MYO1D: variants seen among roughly 807,000 people sequenced by gnomAD.
MYO1D encodes the protein unconventional myosin-Id.
A neutral mutation model predicts 122.0 loss-of-function variants in MYO1D; 83 were observed. The observed-to-expected ratio is 0.68, with a 90% CI of 0.57 to 0.82. MYO1D has a LOEUF of 0.82. Ranked by LOEUF, MYO1D falls within the 40% of genes least tolerant of loss-of-function variation. The probability of loss-of-function intolerance (pLI) is 0.00; values close to 1 mark genes in which losing one functional copy is unlikely to be tolerated. For missense variants in MYO1D, 1,157 were observed against 1,269.5 expected, an observed-to-expected ratio of 0.91 and a Z score of 1.35; for synonymous variants, 464 against 446.9, an observed-to-expected ratio of 1.04 and a Z score of -0.48.
At chr17:32,812,075 G>A (rs2090577046) in intron 1 of MYO1D, among the ~76,000 whole-genome samples, 7 of 152,118 alleles carry the variant, frequency 4.6e-5, no homozygotes, top group Admixed American at 4.6e-4. Flanking sequence ...ATTACTACTT[G>A]TAGCCAACAC....
chr17:32,598,358 A>T (rs2087522805), intron 21 of MYO1D, among the ~76,000 whole-genome samples: 1 of 152,236 alleles, frequency 6.6e-6, no homozygotes, highest in Non-Finnish European at 1.5e-5. Flanking sequence ...TGGGTGACAC[A>T]GCAAGACTCT....
chr17:32,626,364 T>C (rs1407865443), intron 20 of MYO1D, among the ~76,000 whole-genome samples: 1 of 152,260 alleles, frequency 6.6e-6, no homozygotes, highest in Non-Finnish European at 1.5e-5. Flanking sequence ...TTTAAAGCCA[T>C]CTTGCCTCTA....
chr17:32,529,956 C>T (rs1486492856), intron 21 of MYO1D: 3 of 152,204 alleles, frequency 2.0e-5, no homozygotes, highest in Admixed American at 6.5e-5. Context: ...TGAACAATAG[C>T]GTTTTAAACT....
chr17:32,650,586 T>C (rs573001502), intron 19 of MYO1D, among the ~76,000 whole-genome samples: 4 of 152,362 alleles, frequency 2.6e-5, no homozygotes, highest in East Asian at 3.9e-4. Context: ...TTTAGCCTTT[T>C]ATTTTTCTCT....
At chr17:32,655,034 C>T (rs555834175) in intron 17 of MYO1D, among the ~76,000 whole-genome samples, 1 of 152,302 alleles carries the variant, frequency 6.6e-6, no homozygotes, top group Admixed American at 6.5e-5. Flanking sequence ...AATCAAAGCA[C>T]TGGCATGCTA....
At chr17:32,806,116 A>G (rs941299731) in intron 1 of MYO1D, among the ~76,000 whole-genome samples, 16 of 152,082 alleles carry the variant, frequency 1.1e-4, no homozygotes, top group African/African-American at 3.9e-4. Flanking sequence ...AAAATTAGCC[A>G]GAAGTGGTGG....
rs140063415 is a variant in MYO1D at position 32,588,471 on chromosome 17, C to G, written c.2864+16616G>C. The stretch of plus-strand genomic sequence containing the variant: ...TTTTCTGCTCCACTTAATAAAAAGA[C>G]TAAACCAACCCAAGAGCCTTAGTTT... On this transcript the variant is annotated intron_variant, in intron 21 of 21. Transcript: ENST00000318217. 3.5e-3 allele frequency among the ~76,000 whole-genome samples: 527 copies of G among 152,246 alleles called. 3 individuals are homozygous for G. The highest frequency in any genetic ancestry group is 0.02 in the Middle Eastern group (6 of 294).
At chr17:32,857,492 G>A (rs908386526) in intron 1 of MYO1D, among the ~76,000 whole-genome samples, 22 of 152,010 alleles carry the variant, frequency 1.4e-4, no homozygotes, top group Admixed American at 9.2e-4. Context: ...GGCTGAGGCA[G>A]GGGAATGGCG....
At chr17:32,600,646 C>G (rs960607816) in intron 21 of MYO1D, among the ~76,000 whole-genome samples, 1 of 152,078 alleles carries the variant, frequency 6.6e-6, no homozygotes, top group African/African-American at 2.4e-5. Context: ...CCTCACCTCT[C>G]TCAGCCTTCA....
At chr17:32,636,452 T>G (rs2088100774) in intron 20 of MYO1D, among the ~76,000 whole-genome samples, 1 of 152,188 alleles carries the variant, frequency 6.6e-6, no homozygotes, top group Non-Finnish European at 1.5e-5. Flanking sequence ...CACCTAATAT[T>G]CTGACATATT....
At chr17:32,550,539 G>C (rs909739136) in intron 21 of MYO1D, among the ~76,000 whole-genome samples, 2 of 152,148 alleles carry the variant, frequency 1.3e-5, no homozygotes, top group African/African-American at 4.8e-5. Context: ...GATTAGTAAG[G>C]CCTCTATAAT....
At chr17:32,815,956 T>G (rs1398748848) in intron 1 of MYO1D, among the ~76,000 whole-genome samples, 1 of 152,252 alleles carries the variant, frequency 6.6e-6, no homozygotes, top group Non-Finnish European at 1.5e-5. Context: ...ACTTCTGGGC[T>G]TATAAACAAA....
At chr17:32,603,070 TA>T (rs3040377) in intron 21 of MYO1D, among the ~76,000 whole-genome samples, 6,944 of 148,306 alleles carry the variant, frequency 0.047, 188 homozygotes, top group Middle Eastern at 0.087. Context: ...CACCAAGAAT[TA>T]AAAAAAAAAA....
intron 8 of MYO1D, 76 bp from the exon 9 acceptor site, chr17:32,760,703 A>T: frequency 2.1e-6 from 3 of 1,441,080 alleles, no homozygotes; most frequent in Non-Finnish European, 2.8e-6. Context: ...ATCAGTTTTA[A>T]ATTCCTGTCC....
chr17:32,717,694 A>G (rs1203628507), intron 15 of MYO1D, among the ~76,000 whole-genome samples: 1 of 152,200 alleles, frequency 6.6e-6, no homozygotes, highest in African/African-American at 2.4e-5. Context: ...TCCTTCGTCT[A>G]CTTGATCAAA....
intron 1 of MYO1D, among the ~76,000 whole-genome samples, chr17:32,822,324 T>C (rs971746432): frequency 1.0e-4 from 13 of 129,572 alleles, no homozygotes; most frequent in African/African-American, 3.9e-4. Flanking sequence ...AATTGAACAA[T>C]GAGAACACTT....
At chr17:32,828,757 T>G (rs924377558) in intron 1 of MYO1D, among the ~76,000 whole-genome samples, 3 of 152,208 alleles carry the variant, frequency 2.0e-5, no homozygotes, top group Non-Finnish European at 4.4e-5. Flanking sequence ...GAATGCCTGC[T>G]TCGTGCTAAG....
intron 8 of MYO1D, 115 bp from the exon 9 acceptor site, chr17:32,760,742 C>T (rs758482680): frequency 2.3e-5 from 25 of 1,084,338 alleles, no homozygotes; most frequent in African/African-American, 7.9e-5. Context: ...ATAGCCATTA[C>T]TGGCCTCAGC....
intron 11 of MYO1D, among the ~76,000 whole-genome samples, chr17:32,750,645 T>C (rs1392297113): frequency 6.6e-6 from 1 of 151,918 alleles, no homozygotes; most frequent in African/African-American, 2.4e-5. Context: ...AAATAAATTT[T>C]CCTAGGGAAA....
Sources: gnomAD v4.1 joint callset for allele counts (sites outside exome capture counted in the v4.1 genomes callset) on GRCh38, gnomAD v4.1.1 for gene constraint, MANE v1.5 for transcripts, NCBI Gene and HGNC (gene_info 2026-07-23, HGNC 2026-07-21) for gene names.